LARP4B: variants seen among roughly 807,000 people sequenced by gnomAD.
LARP4B encodes La ribonucleoprotein 4B.
A neutral mutation model predicts 89.8 loss-of-function variants in LARP4B; 12 were observed. The ratio of observed to expected loss-of-function variants is 0.13; its 90% CI spans 0.09 to 0.22. The LOEUF (loss-of-function observed/expected upper bound fraction) is 0.22, where lower values mean the gene tolerates loss of function less well. LARP4B is among the 10% of genes least tolerant of loss of function. The pLI is 1.00. For synonymous variants in LARP4B, 367 were observed against 363.3 expected (o/e 1.01, Z -0.12); for missense variants, 757 against 947.7 (o/e 0.80, Z 2.64).
intron 3 of LARP4B, among the ~76,000 whole-genome samples, chr10:867,862 G>GAAGA (rs1554800355): frequency 3.5e-4 from 15 of 43,386 alleles, no homozygotes; most frequent in African/African-American, 1.3e-3. Context: ...CTCCATCCTT[G>GAAGA]AAAAAAAAAA....
At chr10:901,066 C>T (rs1392722954) in intron 1 of LARP4B, among the ~76,000 whole-genome samples, 1 of 151,652 alleles carries the variant, frequency 6.6e-6, no homozygotes, top group East Asian at 1.9e-4. Flanking sequence ...ATTACAGGCA[C>T]CTGCCACCAC....
intron 8 of LARP4B, among the ~76,000 whole-genome samples, chr10:834,081 G>A (rs1035324641): frequency 6.6e-6 from 1 of 151,894 alleles, no homozygotes; most frequent in Non-Finnish European, 1.5e-5. Flanking sequence ...AAATTCCAGA[G>A]GAAAAACAGC....
Position 829,454 on chromosome 10 carries a change from C to T in LARP4B, c.1056G>A (p.Gln352=). 4.3e-6 allele frequency: 7 copies of T among 1,614,132 alleles called. No individual in the cohort carries two copies. The highest frequency in any genetic ancestry group is 1.1e-5 in the South Asian group (1 of 91,072). ...YFPPMYSPQQ[Q]FPLYSLITPQ... ...GAGTGATCAGGCTGTACAGGGGGAA[C>T]TGCTGCTGGGGGCTGTACATGGGAG... The change falls in exon 11 of 18, where the codon CAG becomes CAA. Residue 352 remains glutamine (Q), a synonymous_variant. Transcript: ENST00000316157.
chr10:937,985 A>G, the LARP4B span, among the ~76,000 whole-genome samples: 3 of 141,450 alleles, frequency 2.1e-5, no homozygotes, highest in Non-Finnish European at 3.1e-5. Context: ...CCCGGGTTCA[A>G]GCGATTCTCG....
the LARP4B span, among the ~76,000 whole-genome samples, chr10:949,554 A>C: frequency 2.0e-5 from 3 of 152,174 alleles, no homozygotes; most frequent in African/African-American, 7.2e-5. Flanking sequence ...ACCATCTTAC[A>C]TCCCACCAGC....
At chr10:817,911 G>C (rs767451724) in intron 14 of LARP4B, 22 bp from the exon 15 acceptor site, 17 of 1,608,614 alleles carry the variant, frequency 1.1e-5, no homozygotes, top group African/African-American at 1.3e-5. Flanking sequence ...TGACACCCCA[G>C]GGTCACGGTA....
chr10:939,901 A>C, the LARP4B span, among the ~76,000 whole-genome samples: 1 of 152,170 alleles, frequency 6.6e-6, no homozygotes. Flanking sequence ...TAAAGTGCGC[A>C]GTGGTGTGAT....
At chr10:929,088 T>C (rs1040413326) in intron 1 of LARP4B, among the ~76,000 whole-genome samples, 1 of 152,210 alleles carries the variant, frequency 6.6e-6, no homozygotes, top group African/African-American at 2.4e-5. Flanking sequence ...TCAGCTACTC[T>C]TCTACAGAAT....
the LARP4B span, among the ~76,000 whole-genome samples, chr10:969,814 C>G: frequency 6.6e-6 from 1 of 152,330 alleles, no homozygotes; most frequent in South Asian, 2.1e-4. Context: ...GGAAGGCTGA[C>G]TCCCATTTTA....
chr10:920,269 T>C (rs1420598611), intron 1 of LARP4B, among the ~76,000 whole-genome samples: 1 of 152,208 alleles, frequency 6.6e-6, no homozygotes, highest in African/African-American at 2.4e-5. Flanking sequence ...CTAATTAATT[T>C]TACCTCATGG....
chr10:877,743 CAT>C (rs1030277850), intron 3 of LARP4B, among the ~76,000 whole-genome samples: 1 of 152,172 alleles, frequency 6.6e-6, no homozygotes, highest in African/African-American at 2.4e-5. Flanking sequence ...TGATTACCAC[CAT>C]ATGTGATATA....
chr10:853,119 A>G (rs1232829180), intron 5 of LARP4B, among the ~76,000 whole-genome samples: 1 of 152,208 alleles, frequency 6.6e-6, no homozygotes, highest in Admixed American at 6.5e-5. Context: ...ATACACAGGA[A>G]CTGGAATTTA....
At position 820,792 on chromosome 10, in the gene LARP4B, G is replaced by A. The variant is rs1347760914; in HGVS notation, c.1530+8C>T. 3.1e-6 allele frequency: 5 copies of A among 1,609,610 alleles called. No homozygotes were observed. The South Asian group carries it at 5.5e-5, about 18-fold the overall frequency. ...TCTTGTGAAGAGGTATATGCTTTAT[G>A]TACTCACTGTAAACTTCTCCTCCCT... On this transcript the variant is annotated splice_region_variant and intron_variant, in intron 14 of 17. Coordinates refer to ENST00000316157, the MANE Select transcript of LARP4B (RefSeq NM_015155.3).
chr10:887,418 A>T (rs2131939984), intron 1 of LARP4B, among the ~76,000 whole-genome samples: 1 of 151,890 alleles, frequency 6.6e-6, no homozygotes, highest in Non-Finnish European at 1.5e-5. Context: ...ACAATTAAAA[A>T]AAAAAAAAAG....
upstream of LARP4B, chr10:931,823 G>C (rs1281175400): frequency 6.6e-6 from 1 of 151,432 alleles, no homozygotes; most frequent in Non-Finnish European, 1.5e-5. Context: ...AGAGCCTCAC[G>C]TCATGGTGTT....
At chr10:820,980 T>A (rs990895683) in intron 13 of LARP4B, 135 bp from the exon 14 acceptor site, 8 of 751,616 alleles carry the variant, frequency 1.1e-5, no homozygotes, top group Non-Finnish European at 1.7e-5. Flanking sequence ...AAAGATGACT[T>A]TCAATTCTAA....
chr10:860,263 TA>T (rs1834531514), intron 5 of LARP4B, among the ~76,000 whole-genome samples: 1 of 152,116 alleles, frequency 6.6e-6, no homozygotes, highest in African/African-American at 2.4e-5. Context: ...AAACATAAAT[TA>T]AAGCCACAGT....
chr10:824,540 T>C (rs974584741), intron 13 of LARP4B, among the ~76,000 whole-genome samples: 1 of 152,132 alleles, frequency 6.6e-6, no homozygotes, highest in Non-Finnish European at 1.5e-5. Context: ...TACTACAGGA[T>C]TGATGCCAAA....
rs535934552 is a variant in LARP4B at position 840,834 on chromosome 10, T to G, written c.646+2098A>C. The stretch of plus-strand genomic sequence containing the variant: ...ATCTGCTGTGTGTCTGAGTCTCTGC[T>G]AGGTAATTTGGGCACAAGATCTAAA... On this transcript the variant is annotated intron_variant, in intron 7 of 17. Transcript: ENST00000316157. Among the ~76,000 whole-genome samples the G allele has an allele frequency of 2.0e-5, 3 of 152,322 alleles. No homozygotes were observed. In the South Asian group the frequency reaches 6.2e-4, roughly 32 times the overall value.
Sources: gnomAD v4.1 joint callset for allele counts (sites outside exome capture counted in the v4.1 genomes callset) on GRCh38, gnomAD v4.1.1 for gene constraint, MANE v1.5 for transcripts, NCBI Gene and HGNC (gene_info 2026-07-23, HGNC 2026-07-21) for gene names.